Variants in DPH6 observed in about 807,000 individuals in gnomAD.
DPH6 encodes diphthine--ammonia ligase.
DPH6 carries 33 observed loss-of-function variants against 38.2 expected under a neutral mutation model. The ratio of observed to expected loss-of-function variants is 0.86; its 90% CI spans 0.65 to 1.15. The LOEUF (loss-of-function observed/expected upper bound fraction) is 1.15. Ranked by LOEUF, DPH6 falls within the 50% of genes most tolerant of loss-of-function variation. The pLI, the probability that DPH6 is intolerant of heterozygous loss-of-function variation, is 0.00. For synonymous variants in DPH6, 108 were observed against 103.0 expected, an observed-to-expected ratio of 1.05 and a Z score of -0.30; for missense variants, 325 against 320.0, an observed-to-expected ratio of 1.02 and a Z score of -0.12.
chr15:35,450,832 G>C lies in DPH6; in HGVS notation c.387-29C>G, dbSNP rs77687650. 2.3e-3 allele frequency: 3,495 copies of C among 1,528,606 alleles called. 50 individuals are homozygous for C. In the East Asian group the frequency reaches 0.045, roughly 20 times the overall value. 94.7% of individuals were successfully genotyped at this position (1,528,606 alleles called of 1,614,324 possible). On this transcript the variant is annotated intron_variant, in intron 4 of 8. Coordinates refer to ENST00000256538, the MANE Select transcript of DPH6 (RefSeq NM_080650.4). Reference sequence around the variant, plus strand: ...CAAAAGAAAAAGAAAAAGAAAGTCAGATGATCTCTTAATGTTTTATACTTG... The same window carrying C: ...CAAAAGAAAAAGAAAAAGAAAGTCACATGATCTCTTAATGTTTTATACTTG...
At chr15:35,397,247 C>G (rs1240331516) in intron 6 of DPH6, among the ~76,000 whole-genome samples, 1 of 152,176 alleles carries the variant, frequency 6.6e-6, no homozygotes, top group East Asian at 1.9e-4. Context: ...ACCTTTGACT[C>G]AAGGCTGGAG....
At chr15:35,168,712 T>C in the DPH6 span, among the ~76,000 whole-genome samples, 1 of 152,072 alleles carries the variant, frequency 6.6e-6, no homozygotes, top group African/African-American at 2.4e-5. Flanking sequence ...ATTCAGAGAA[T>C]AATATGAGAC....
At chr15:35,453,429 A>G (rs1894120916) in intron 4 of DPH6, among the ~76,000 whole-genome samples, 1 of 152,190 alleles carries the variant, frequency 6.6e-6, no homozygotes, top group Admixed American at 6.5e-5. Context: ...TTCTTAAAAA[A>G]CACTAATTTT....
chr15:35,346,650 T>C (rs1566876134), intron 3 of DPH6, among the ~76,000 whole-genome samples: 1 of 152,096 alleles, frequency 6.6e-6, no homozygotes. Context: ...TATTTCCTTA[T>C]CTGTTTCTTA....
At chr15:35,490,761 T>C (rs1287634192) in intron 3 of DPH6, among the ~76,000 whole-genome samples, 4 of 152,148 alleles carry the variant, frequency 2.6e-5, no homozygotes, top group Non-Finnish European at 5.9e-5. Context: ...CTTAAACACA[T>C]TGTGCCATCT....
At chr15:35,317,654 T>C (rs2052204889) in intron 3 of DPH6, among the ~76,000 whole-genome samples, 1 of 146,546 alleles carries the variant, frequency 6.8e-6, no homozygotes, top group African/African-American at 2.6e-5. Context: ...AGGAATGAAA[T>C]ATGACAGAAA....
intron 3 of DPH6, among the ~76,000 whole-genome samples, chr15:35,324,271 T>C (rs576554714): frequency 6.6e-6 from 1 of 152,250 alleles, no homozygotes; most frequent in East Asian, 1.9e-4. Context: ...GCTATATTAG[T>C]AGAGATATAA....
intron 5 of DPH6, among the ~76,000 whole-genome samples, chr15:35,416,842 C>T (rs1368045573): frequency 6.6e-6 from 1 of 152,056 alleles, no homozygotes; most frequent in African/African-American, 2.4e-5. Context: ...AGATTCCTAG[C>T]AATTCCAGCT....
the DPH6 span, among the ~76,000 whole-genome samples, chr15:35,146,603 C>T: frequency 2.6e-5 from 4 of 151,986 alleles, no homozygotes; most frequent in African/African-American, 9.7e-5. Flanking sequence ...CTGTCCTTTC[C>T]TTCTCTCTCC....
At chr15:35,360,538 G>A (rs2052604965) in intron 3 of DPH6, among the ~76,000 whole-genome samples, 1 of 152,238 alleles carries the variant, frequency 6.6e-6, no homozygotes, top group South Asian at 2.1e-4. Context: ...CAGCAGGCCT[G>A]TTACCAGGGC....
At chr15:35,373,162 C>T (rs2052734503) in intron 8 of DPH6, among the ~76,000 whole-genome samples, 1 of 151,698 alleles carries the variant, frequency 6.6e-6, no homozygotes, top group South Asian at 2.1e-4. Flanking sequence ...TAATGACAAT[C>T]CAATTTATCC....
chr15:35,513,931 C>A (rs1317949090), intron 3 of DPH6, among the ~76,000 whole-genome samples: 2 of 151,884 alleles, frequency 1.3e-5, no homozygotes, highest in African/African-American at 2.4e-5. Context: ...TCATAAAAGT[C>A]TTTTTCTTGG....
At chr15:35,428,750 C>T (rs1253116380) in intron 5 of DPH6, among the ~76,000 whole-genome samples, 2 of 152,172 alleles carry the variant, frequency 1.3e-5, no homozygotes, top group South Asian at 2.1e-4. Context: ...GGCCCAGTAA[C>T]CTGCTGCCTT....
chr15:35,411,886 C>T (rs960320638), intron 5 of DPH6, among the ~76,000 whole-genome samples: 9 of 151,432 alleles, frequency 5.9e-5, no homozygotes, highest in African/African-American at 2.2e-4. Flanking sequence ...GACATAAAGG[C>T]AAAATGCAAA....
intron 3 of DPH6, among the ~76,000 whole-genome samples, chr15:35,349,871 T>C (rs1595493441): frequency 6.6e-6 from 1 of 152,242 alleles, no homozygotes; most frequent in South Asian, 2.1e-4. Context: ...AGTGTTTTGC[T>C]GAAGATTTTT....
rs1555391169 is a variant in DPH6, at chr15:35,285,872, G to GTTTTTTTTTTTTTGTTTTTT, written n.201-65291_201-65290insAAAAAACAAAAAAAAAAAAA. Among the ~76,000 whole-genome samples, 52 of 52,806 alleles carry GTTTTTTTTTTTTTGTTTTTT rather than the reference G, an allele frequency of 9.8e-4. 9 individuals carry two copies. In the East Asian group the frequency reaches 0.015, roughly 16 times the overall value. The allele number at this position is 52,806 out of a possible 152,430, so 34.6% of individuals were successfully genotyped here. A position where few individuals can be genotyped will look rare whatever the true frequency, so the allele number is the denominator to read the frequency against. On this transcript the variant is annotated intron_variant and non_coding_transcript_variant, in intron 3 of 3. Coordinates refer to the DPH6 transcript ENST00000560386. ...GACTCAATTATCATTTTATCTTTGA[G>GTTTTTTTTTTTTTGTTTTTT]TTTTTTTTTTTTTTTTTACCTGAGA...
At chr15:35,182,492 C>A in the DPH6 span, among the ~76,000 whole-genome samples, 1 of 151,792 alleles carries the variant, frequency 6.6e-6, no homozygotes, top group South Asian at 2.1e-4. Flanking sequence ...TCCTACTCCC[C>A]ATCGATAGCA....
intron 3 of DPH6, among the ~76,000 whole-genome samples, chr15:35,518,540 G>C (rs896234792): frequency 1.3e-5 from 2 of 151,840 alleles, no homozygotes; most frequent in African/African-American, 4.8e-5. Flanking sequence ...GCTAAATACT[G>C]GTTTGTGGGT....
intron 5 of DPH6, among the ~76,000 whole-genome samples, chr15:35,447,814 C>A (rs1243229624): frequency 6.6e-6 from 1 of 152,022 alleles, no homozygotes; most frequent in Non-Finnish European, 1.5e-5. Context: ...AAAAAAAAAT[C>A]TACGAAATGG....
Sources: gnomAD v4.1 joint callset for allele counts (sites outside exome capture counted in the v4.1 genomes callset) on GRCh38, gnomAD v4.1.1 for gene constraint, MANE v1.5 for transcripts, NCBI Gene and HGNC (gene_info 2026-07-23, HGNC 2026-07-21) for gene names.